The following MBD5 variants were observed in gnomAD, a reference collection of about 807,000 sequenced individuals.
MBD5 encodes the protein methyl-CpG-binding domain protein 5.
A neutral mutation model predicts 117.3 loss-of-function variants in MBD5; 13 were observed. The observed-to-expected ratio is 0.11, with a 90% confidence interval of 0.07 to 0.18. The LOEUF is 0.18. Among genes scored for constraint, MBD5 ranks in the 10% least tolerant of loss-of-function variants. The probability of loss-of-function intolerance (pLI) is 1.00; values close to 1 mark genes in which losing one functional copy is unlikely to be tolerated. For missense variants in MBD5, 1,879 were observed against 2,093.8 expected (o/e 0.90, Z 2.00); for synonymous variants, 727 against 766.4 (o/e 0.95, Z 0.85).
At chr2:148,428,535 A>C (rs1034993797) in intron 4 of MBD5, among the ~76,000 whole-genome samples, 1 of 152,222 alleles carries the variant, frequency 6.6e-6, no homozygotes, top group Non-Finnish European at 1.5e-5. Context: ...CCTTATAGCC[A>C]AGACAATCCT....
At chr2:148,433,451 G>A (rs1157678311) in intron 4 of MBD5, among the ~76,000 whole-genome samples, 2 of 152,150 alleles carry the variant, frequency 1.3e-5, no homozygotes, top group African/African-American at 2.4e-5. Flanking sequence ...GATTCTCTCA[G>A]CATTTGCCAA....
chr2:148,404,572 C>A (rs1705021851), intron 4 of MBD5, among the ~76,000 whole-genome samples: 1 of 152,214 alleles, frequency 6.6e-6, no homozygotes. Context: ...CTTAGGATTT[C>A]TGCTGAGCTC....
intron 3 of MBD5, among the ~76,000 whole-genome samples, chr2:148,310,733 A>G (rs751755387): frequency 5.5e-4 from 84 of 152,002 alleles, no homozygotes; most frequent in Non-Finnish European, 1.2e-3. Flanking sequence ...TTTAATTGTG[A>G]TGTTAGGGTG....
chr2:148,470,274 C>G lies in MBD5; in HGVS notation c.2331C>G (p.Asn777Lys). The change falls in exon 8 of 14, where the codon AAC becomes AAG. Residue 777 changes from asparagine (N) to lysine (K), a missense_variant. Asn to Lys is a moderately conservative substitution (Grantham distance 94). Around this residue, in one of 4 missense-constraint regions of MBD5, gnomAD observed 1,666 missense variants for 1,792.2 expected, o/e 0.93. Coordinates refer to ENST00000642680, the MANE Select transcript of MBD5 (RefSeq NM_001378120.1). Reference protein sequence around the residue: ...NFVHSNSPVPNHHLAGLINQI... With the variant: ...NFVHSNSPVPKHHLAGLINQI... Reference sequence around the variant, plus strand: ...TTCACAGTAACAGTCCAGTCCCCAACCACCATCTTGCAGGTTTAATAAATC... The same window carrying G: ...TTCACAGTAACAGTCCAGTCCCCAAGCACCATCTTGCAGGTTTAATAAATC... 6.2e-7 allele frequency: 1 copy of G among 1,614,004 alleles called. No homozygotes were observed. The highest frequency in any genetic ancestry group is 8.5e-7 in the Non-Finnish European group (1 of 1,179,910).
At position 148,211,985 on chromosome 2, in the gene MBD5, G is replaced by A. The variant is rs540295805; in HGVS notation, c.-830-21260G>A. Among the ~76,000 whole-genome samples, 5 of 152,214 alleles carry A rather than the reference G, an allele frequency of 3.3e-5. No individual in the cohort carries two copies. In the East Asian group the frequency reaches 9.7e-4, roughly 29 times the overall value. On this transcript the variant is annotated intron_variant, in intron 2 of 13. Coordinates refer to ENST00000642680, the MANE Select transcript of MBD5 (RefSeq NM_001378120.1). ...GCTGGTCTCAAATTTCTGGACTCAA[G>A]CAATCTTCCTGCCTTGGCCTCCTAA...
In MBD5 at chr2:148,415,743, G is replaced by A. The variant is rs900969963; in HGVS notation, c.-556-42460G>A. On this transcript the variant is annotated intron_variant, in intron 4 of 13. Transcript: ENST00000642680. ...AGCTCTGAGATTCTTTCATCAGCTT[G>A]TTCTATTCTGATGTTAATACTTGTG... Among the ~76,000 whole-genome samples the A allele has an allele frequency of 2.9e-4, 44 of 152,128 alleles. 1 individual carries two copies. Among genetic ancestry groups the A allele is most frequent in the African/African-American group, 9.4e-4 (39 of 41,424 alleles).
At chr2:148,035,353 T>G (rs1573935105) in intron 1 of MBD5, among the ~76,000 whole-genome samples, 1 of 152,178 alleles carries the variant, frequency 6.6e-6, no homozygotes, top group African/African-American at 2.4e-5. Context: ...CTGTATGTTA[T>G]GCGTTAAAAA....
chr2:148,433,523 C>A (rs113083995), intron 4 of MBD5, among the ~76,000 whole-genome samples: 2,143 of 152,172 alleles, frequency 0.014, 63 homozygotes, highest in African/African-American at 0.05. Context: ...AAGTATGTTC[C>A]TTCAATGCCT....
intron 1 of MBD5, chr2:148,027,972 G>A (rs1272330726): frequency 6.6e-6 from 1 of 152,066 alleles, no homozygotes; most frequent in African/African-American, 2.4e-5. Context: ...AACACTTAGA[G>A]TATTTCTGTT....
intron 1 of MBD5, among the ~76,000 whole-genome samples, chr2:148,148,931 A>C (rs2382211): frequency 0.31 from 46,859 of 151,082 alleles, 8,361 homozygotes; most frequent in East Asian, 0.46. Context: ...ATATTTCTTT[A>C]TTTATTTTAT....
At chr2:148,149,788 T>A (rs975646385) in intron 1 of MBD5, among the ~76,000 whole-genome samples, 4 of 151,930 alleles carry the variant, frequency 2.6e-5, no homozygotes, top group African/African-American at 9.7e-5. Context: ...GATGGGGTTG[T>A]TTGTTTTTTT....
chr2:148,100,093 C>T (rs1442603155), intron 1 of MBD5, among the ~76,000 whole-genome samples: 1 of 152,020 alleles, frequency 6.6e-6, no homozygotes, highest in East Asian at 1.9e-4. Context: ...GTTGAATCTT[C>T]TAGGAGAATG....
At chr2:148,287,190 T>C (rs1701386634) in intron 3 of MBD5, among the ~76,000 whole-genome samples, 1 of 152,214 alleles carries the variant, frequency 6.6e-6, no homozygotes, top group South Asian at 2.1e-4. Flanking sequence ...TCTTACTGGC[T>C]TTATTTGTGA....
chr2:148,429,935 G>A (rs950674269), intron 4 of MBD5, among the ~76,000 whole-genome samples: 3 of 152,080 alleles, frequency 2.0e-5, no homozygotes, highest in African/African-American at 7.2e-5. Context: ...CATGGCACAT[G>A]TATACCTATG....
At chr2:148,379,823 A>G (rs1704085390) in intron 4 of MBD5, among the ~76,000 whole-genome samples, 1 of 152,148 alleles carries the variant, frequency 6.6e-6, no homozygotes, top group South Asian at 2.1e-4. Context: ...TAATCCAATA[A>G]AGGATTACAA....
chr2:148,029,752 A>G (rs1016556331), intron 1 of MBD5, among the ~76,000 whole-genome samples: 16 of 152,080 alleles, frequency 1.1e-4, no homozygotes, highest in African/African-American at 3.9e-4. Flanking sequence ...TTCTTTTTTT[A>G]CGAAACCAAA....
intron 1 of MBD5, among the ~76,000 whole-genome samples, chr2:148,122,032 A>G (rs572268650): frequency 2.6e-5 from 4 of 152,268 alleles, no homozygotes; most frequent in African/African-American, 9.6e-5. Context: ...ACCCTTGCAT[A>G]TGATTTACTA....
At chr2:148,258,195 C>A (rs1700636631) in intron 3 of MBD5, among the ~76,000 whole-genome samples, 1 of 152,118 alleles carries the variant, frequency 6.6e-6, no homozygotes, top group African/African-American at 2.4e-5. Flanking sequence ...CACTCGGAGT[C>A]TGAATTCCCT....
intron 4 of MBD5, among the ~76,000 whole-genome samples, chr2:148,345,366 T>TACATATAC (rs1368465652): frequency 6.9e-6 from 1 of 145,788 alleles, no homozygotes; most frequent in Non-Finnish European, 1.5e-5. Context: ...TATACACATA[T>TACATATAC]ACATATACAC....
Sources: gnomAD v4.1 joint callset for allele counts (sites outside exome capture counted in the v4.1 genomes callset) on GRCh38, gnomAD v4.1.1 for gene constraint, gnomAD v4.1.1 regional missense constraint, MANE v1.5 for transcripts, NCBI Gene and HGNC (gene_info 2026-07-23, HGNC 2026-07-21) for gene names.